The following ARHGEF28 variants were observed in gnomAD, a reference collection of about 807,000 sequenced individuals.
The protein encoded by ARHGEF28 is 190 kDa guanine nucleotide exchange factor.
Under a neutral mutation model 206.6 loss-of-function variants are expected in ARHGEF28, and 152 were observed. The ratio of observed to expected loss-of-function variants is 0.74; its 90% confidence interval spans 0.64 to 0.84. ARHGEF28 has a LOEUF of 0.84. Among genes scored for constraint, ARHGEF28 ranks in the 40% least tolerant of loss-of-function variants. The pLI is 0.00. For synonymous variants in ARHGEF28, 763 were observed against 776.4 expected (o/e 0.98, Z 0.29); for missense variants, 2,028 against 2,073.2 (o/e 0.98, Z 0.42).
intron 22 of ARHGEF28, among the ~76,000 whole-genome samples, chr5:73,882,087 G>T (rs199641340): frequency 9.6e-6 from 1 of 103,788 alleles, no homozygotes; most frequent in African/African-American, 4.0e-5. Flanking sequence ...GATTTTTTTT[G>T]GGGGGCCAGA....
intron 33 of ARHGEF28, among the ~76,000 whole-genome samples, chr5:73,906,969 T>C (rs532493677): frequency 1.3e-5 from 2 of 152,390 alleles, no homozygotes; most frequent in African/African-American, 4.8e-5. Context: ...ATATTATGGC[T>C]ATTTGTCAAT....
chr5:73,764,831 G>C (rs540891899), intron 4 of ARHGEF28, among the ~76,000 whole-genome samples: 1 of 152,192 alleles, frequency 6.6e-6, no homozygotes, highest in Non-Finnish European at 1.5e-5. Context: ...AGGCTGATTT[G>C]TTTATCTACA....
At chr5:73,682,986 ATCTTTCATTC>A (rs920464879) in intron 1 of ARHGEF28, among the ~76,000 whole-genome samples, 2 of 151,936 alleles carry the variant, frequency 1.3e-5, no homozygotes, top group Middle Eastern at 3.4e-3. Context: ...ATTTCTCCTA[ATCTTTCATTC>A]TCTTTCATTC....
intron 22 of ARHGEF28, 79 bp downstream of exon 22, chr5:73,873,325 T>A: frequency 3.4e-6 from 5 of 1,458,222 alleles, no homozygotes; most frequent in South Asian, 1.4e-5. Context: ...TCAACAAGAG[T>A]AAAAAAAATG....
intron 9 of ARHGEF28, among the ~76,000 whole-genome samples, chr5:73,815,823 C>A (rs1354622995): frequency 1.3e-5 from 2 of 152,182 alleles, no homozygotes; most frequent in African/African-American, 4.8e-5. Flanking sequence ...CAAGTGAAAG[C>A]AGGTACCTGG....
At chr5:73,700,899 C>A (rs540555350) in intron 2 of ARHGEF28, among the ~76,000 whole-genome samples, 4 of 152,152 alleles carry the variant, frequency 2.6e-5, no homozygotes, top group African/African-American at 9.7e-5. Context: ...TGAGTTGAGA[C>A]AAGAATATCC....
At chr5:73,708,022 A>G (rs1239486410) in intron 2 of ARHGEF28, among the ~76,000 whole-genome samples, 1 of 152,082 alleles carries the variant, frequency 6.6e-6, no homozygotes, top group South Asian at 2.1e-4. Context: ...TATATTTACT[A>G]TATTTTCAAG....
chr5:73,639,293 TAAAAC>T (rs1404487813), intron 1 of ARHGEF28, among the ~76,000 whole-genome samples: 1 of 150,368 alleles, frequency 6.7e-6, no homozygotes, highest in Middle Eastern at 3.2e-3. Context: ...TATCTTGAAA[TAAAAC>T]AAATTAGAAA....
At chr5:73,914,693 G>T (rs150655329) in intron 35 of ARHGEF28, among the ~76,000 whole-genome samples, 168 of 151,740 alleles carry the variant, frequency 1.1e-3, no homozygotes, top group African/African-American at 3.9e-3. Flanking sequence ...CACCACACCC[G>T]GGCTAAATTA....
chr5:73,906,272 T>A (rs928014882), intron 33 of ARHGEF28, among the ~76,000 whole-genome samples: 2 of 152,224 alleles, frequency 1.3e-5, no homozygotes, highest in Admixed American at 1.3e-4. Context: ...AGGGTCTGGC[T>A]CTGTTACCCA....
intron 2 of ARHGEF28, among the ~76,000 whole-genome samples, chr5:73,698,038 T>C (rs1748330391): frequency 6.6e-6 from 1 of 152,188 alleles, no homozygotes; most frequent in Non-Finnish European, 1.5e-5. Flanking sequence ...AGAAAAGGAA[T>C]ACAATTATAA....
At chr5:73,801,501 G>A (rs1204281627) in intron 9 of ARHGEF28, among the ~76,000 whole-genome samples, 1 of 151,972 alleles carries the variant, frequency 6.6e-6, no homozygotes, top group Non-Finnish European at 1.5e-5. Context: ...CTTAAGCATG[G>A]CATCTTAGAA....
chr5:73,891,169 G>T (rs978981700), intron 26 of ARHGEF28, among the ~76,000 whole-genome samples: 1 of 152,112 alleles, frequency 6.6e-6, no homozygotes, highest in African/African-American at 2.4e-5. Context: ...TCATCTGCTT[G>T]GTGAGAAGAG....
At chr5:73,834,566 G>GTGTGTGCATGTGTGTGTT (rs1185889458) in intron 10 of ARHGEF28, among the ~76,000 whole-genome samples, 28 of 151,672 alleles carry the variant, frequency 1.8e-4, no homozygotes, top group African/African-American at 6.5e-4. Flanking sequence ...GTGTGTGTGT[G>GTGTGTGCATGTGTGTGTT]TGTGTGTGCA....
In ARHGEF28 at chr5:73,802,823, A is replaced by G. The variant is rs189481378; in HGVS notation, c.1024+7432A>G. Reference sequence around the variant, plus strand: ...CCCATGTATATAGGCATTTACAAAAAAAAAAATTACATTTACAAAGGGATA... The same window carrying G: ...CCCATGTATATAGGCATTTACAAAAGAAAAAATTACATTTACAAAGGGATA... On this transcript the variant is annotated intron_variant, in intron 9 of 35. Coordinates refer to ENST00000513042, the MANE Select transcript of ARHGEF28 (RefSeq NM_001177693.2). 1.7e-3 allele frequency among the ~76,000 whole-genome samples: 265 copies of G among 152,132 alleles called. 1 individual carries two copies. The highest frequency in any genetic ancestry group is 5.9e-3 in the African/African-American group (244 of 41,482).
Position 73,844,612 on chromosome 5 carries a change from G to A in ARHGEF28, c.1428-1656G>A, listed in dbSNP as rs138471445. ...TTCAAAGTTTCATTTTCTGGTTCTT[G>A]TATTTCAAAATAAAAAAAAAAGCCT... On this transcript the variant is annotated intron_variant, in intron 11 of 35. Transcript: ENST00000513042. Among the ~76,000 whole-genome samples the A allele has an allele frequency of 2.3e-3, 287 of 124,138 alleles. 3 individuals are homozygous for A. The highest frequency in any genetic ancestry group is 7.9e-3 in the African/African-American group (261 of 32,880). The allele number at this position is 124,138 out of a possible 152,430, so 81.4% of individuals were successfully genotyped here.
chr5:73,802,654 C>T (rs1283405222), intron 9 of ARHGEF28, among the ~76,000 whole-genome samples: 3 of 151,878 alleles, frequency 2.0e-5, no homozygotes, highest in Admixed American at 2.0e-4. Flanking sequence ...AAGAAAGTGA[C>T]AACAAATGTA....
intron 2 of ARHGEF28, among the ~76,000 whole-genome samples, chr5:73,735,887 C>A (rs892378303): frequency 1.3e-5 from 2 of 152,172 alleles, no homozygotes; most frequent in Non-Finnish European, 2.9e-5. Context: ...AATTCCCTTC[C>A]ATTCACAGCA....
chr5:73,828,090 T>A (rs1561435013), intron 9 of ARHGEF28: 1 of 151,160 alleles, frequency 6.6e-6, no homozygotes, highest in African/African-American at 2.4e-5. Context: ...ATGAAACTAT[T>A]ATAGCTTTTC....
Sources: gnomAD v4.1 joint callset for allele counts (sites outside exome capture counted in the v4.1 genomes callset) on GRCh38, gnomAD v4.1.1 for gene constraint, MANE v1.5 for transcripts, NCBI Gene and HGNC (gene_info 2026-07-23, HGNC 2026-07-21) for gene names.